Variants in ATP2B2 observed in about 807,000 individuals in gnomAD.
ATP2B2 encodes the protein plasma membrane calcium-transporting ATPase 2.
A neutral mutation model predicts 120.0 loss-of-function variants in ATP2B2; 15 were observed. The ratio of observed to expected loss-of-function variants is 0.12; its 90% CI spans 0.08 to 0.19. ATP2B2 has a LOEUF of 0.19. Among genes scored for constraint, ATP2B2 ranks in the 10% least tolerant of loss-of-function variants. ATP2B2 has a pLI of 1.00. For missense variants in ATP2B2, 1,045 were observed against 1,719.8 expected (o/e 0.61, Z 6.94); for synonymous variants, 694 against 700.3 (o/e 0.99, Z 0.14).
At chr3:10,648,833 T>C (rs1383049652) in intron 1 of ATP2B2, among the ~76,000 whole-genome samples, 1 of 152,270 alleles carries the variant, frequency 6.6e-6, no homozygotes, top group Non-Finnish European at 1.5e-5. Context: ...CCTCCATTTC[T>C]GCCCCTGGTC....
chr3:10,451,722 G>A lies in ATP2B2; in HGVS notation c.-319-1860C>T, dbSNP rs1233723669. 2.6e-5 allele frequency among the ~76,000 whole-genome samples: 4 copies of A among 152,190 alleles called. No homozygotes were observed. In the East Asian group the frequency reaches 7.7e-4, roughly 29 times the overall value. On this transcript the variant is annotated intron_variant, in intron 1 of 22. Coordinates refer to ENST00000360273, the MANE Select transcript of ATP2B2 (RefSeq NM_001001331.4). ...GAGACACCAAAGAAACTGCACGCTT[G>A]GTGCTCCCACCTACAATACTCAAAA...
chr3:10,483,593 G>A (rs187596062), intron 1 of ATP2B2, among the ~76,000 whole-genome samples: 3 of 152,264 alleles, frequency 2.0e-5, no homozygotes, highest in Non-Finnish European at 4.4e-5. Context: ...CCTCTTACTG[G>A]GGAATTCTCT....
intron 7 of ATP2B2, among the ~76,000 whole-genome samples, chr3:10,385,763 A>G (rs1363870441): frequency 6.6e-6 from 1 of 152,106 alleles, no homozygotes; most frequent in African/African-American, 2.4e-5. Flanking sequence ...AGTATTCTCC[A>G]TGACCACCAT....
intron 1 of ATP2B2, among the ~76,000 whole-genome samples, chr3:10,504,662 C>G (rs2066540231): frequency 6.6e-6 from 1 of 152,082 alleles, no homozygotes; most frequent in Non-Finnish European, 1.5e-5. Flanking sequence ...CGCAACCCAC[C>G]CTCAGGGAGT....
chr3:10,448,882 G>A (rs2063930482), intron 2 of ATP2B2, among the ~76,000 whole-genome samples: 1 of 152,184 alleles, frequency 6.6e-6, no homozygotes. Context: ...GGGAAGGAAG[G>A]ACCGGGCCTG....
chr3:10,527,511 C>T (rs1194887920), intron 3 of ATP2B2, among the ~76,000 whole-genome samples: 1 of 152,178 alleles, frequency 6.6e-6, no homozygotes, highest in Non-Finnish European at 1.5e-5. Context: ...GAGACAGTCC[C>T]TCCTGGGGCT....
intron 1 of ATP2B2, among the ~76,000 whole-genome samples, chr3:10,693,442 C>T (rs1183933635): frequency 2.0e-5 from 3 of 152,240 alleles, no homozygotes; most frequent in South Asian, 2.1e-4. Flanking sequence ...AAAGACAAAA[C>T]CCCCTGCCCT....
chr3:10,632,276 G>C (rs562566595), intron 1 of ATP2B2, among the ~76,000 whole-genome samples: 1 of 152,292 alleles, frequency 6.6e-6, no homozygotes, highest in African/African-American at 2.4e-5. Context: ...CTGGTGCTGG[G>C]TGTGACTACT....
At chr3:10,387,604 A>G (rs2061717690) in intron 6 of ATP2B2, among the ~76,000 whole-genome samples, 1 of 152,232 alleles carries the variant, frequency 6.6e-6, no homozygotes, top group Non-Finnish European at 1.5e-5. Flanking sequence ...CCTGGCCTGA[A>G]GAGACTTGAG....
intron 2 of ATP2B2, among the ~76,000 whole-genome samples, chr3:10,552,680 G>A (rs887998137): frequency 3.9e-5 from 6 of 152,180 alleles, no homozygotes; most frequent in Non-Finnish European, 5.9e-5. Context: ...GAAGTTGCCC[G>A]AGGCCACAGT....
rs190259718 is a variant in ATP2B2 at position 10,630,758 on chromosome 3, T to C, written c.-459-10797A>G. Among the ~76,000 whole-genome samples, 18 of 152,206 alleles carry C rather than the reference T, an allele frequency of 1.2e-4. No homozygotes were observed. The East Asian group carries it at 3.5e-3, about 29-fold the overall frequency. ...TATAAAGCACTTTCACACCCAGTGG[T>C]TGACTCCTTGTTTCTCCAAACTGAG... On this transcript the variant is annotated intron_variant, in intron 1 of 21. Coordinates refer to the ATP2B2 transcript ENST00000646379.
intron 1 of ATP2B2, among the ~76,000 whole-genome samples, chr3:10,655,666 C>T (rs761660969): frequency 3.9e-5 from 6 of 152,198 alleles, no homozygotes; most frequent in South Asian, 2.1e-4. Flanking sequence ...CCTGGACTTA[C>T]GTGGAGTCAC....
chr3:10,416,314 T>C (rs2062779747), intron 2 of ATP2B2, among the ~76,000 whole-genome samples: 1 of 152,212 alleles, frequency 6.6e-6, no homozygotes, highest in Non-Finnish European at 1.5e-5. Flanking sequence ...GGATACAAAC[T>C]GGGCTCTTCC....
At chr3:10,495,271 C>T (rs941723816) in intron 1 of ATP2B2, among the ~76,000 whole-genome samples, 12 of 152,192 alleles carry the variant, frequency 7.9e-5, no homozygotes, top group African/African-American at 2.7e-4. Context: ...GGGGCTAATA[C>T]CATGGACAGG....
intron 1 of ATP2B2, among the ~76,000 whole-genome samples, chr3:10,660,440 C>A (rs1275634359): frequency 1.3e-5 from 2 of 152,132 alleles, no homozygotes; most frequent in African/African-American, 2.4e-5. Context: ...CACAGAAATA[C>A]AAAATACCAT....
intron 1 of ATP2B2, among the ~76,000 whole-genome samples, chr3:10,480,035 A>G (rs2065348038): frequency 6.6e-6 from 1 of 152,188 alleles, no homozygotes; most frequent in Non-Finnish European, 1.5e-5. Flanking sequence ...GTTTCAGGCT[A>G]TAGTGAGCCA....
At chr3:10,426,025 T>C (rs1003141652) in intron 2 of ATP2B2, among the ~76,000 whole-genome samples, 26 of 152,132 alleles carry the variant, frequency 1.7e-4, no homozygotes, top group African/African-American at 6.0e-4. Flanking sequence ...CCCCTTCCCA[T>C]CATTGTGCTC....
chr3:10,401,009 G>A lies in ATP2B2; in HGVS notation c.725C>T (p.Thr242Ile). 1 of 1,614,196 alleles carries A rather than the reference G, an allele frequency of 6.2e-7. No homozygotes were observed. The highest frequency in any genetic ancestry group is 8.5e-7 in the Non-Finnish European group (1 of 1,180,036). Residue 242 changes from threonine (T) to isoleucine (I), a missense_variant, in exon 5 of 23, where the codon ACT becomes ATT. Physicochemically the swap from Thr to Ile is moderately conservative, Grantham distance 89. Around this residue, in one of 11 missense-constraint regions of ATP2B2, gnomAD observed 145 missense variants for 202.0 expected, o/e 0.72. Coordinates refer to ENST00000360273, the MANE Select transcript of ATP2B2 (RefSeq NM_001001331.4). ...CTTGCGCACCTGGTCAGACTCTCCA[G>A]TTAGGGAGCTTTCATCAATCTTGAG... ...NDLKIDESSL[T>I]GESDQVRKSV...
chr3:10,391,065 C>G (rs1396906725), intron 5 of ATP2B2, among the ~76,000 whole-genome samples: 1 of 152,148 alleles, frequency 6.6e-6, no homozygotes, highest in African/African-American at 2.4e-5. Flanking sequence ...GAGGAAGGAA[C>G]ACTACGCTGC....
Sources: gnomAD v4.1 joint callset for allele counts (sites outside exome capture counted in the v4.1 genomes callset) on GRCh38, gnomAD v4.1.1 for gene constraint, gnomAD v4.1.1 regional missense constraint, MANE v1.5 for transcripts, NCBI Gene and HGNC (gene_info 2026-07-23, HGNC 2026-07-21) for gene names.